The following MDFIC2 variants were observed in gnomAD, a reference collection of about 807,000 sequenced individuals.
MDFIC2 encodes the protein myoD family inhibitor domain-containing protein 2.
At position 70,285,743 on chromosome 3, in the gene MDFIC2, T is replaced by C. The variant is rs1032031501; in HGVS notation, c.88+26143A>G. ...TGTTGTTTCCTGACTTTTTAATGAT[T>C]GCCATTCTAACTGGTGTGAGATGGT... On this transcript the variant is annotated intron_variant, in intron 2 of 3. Coordinates refer to ENST00000567252, the MANE Select transcript of MDFIC2 (RefSeq NM_001364677.1). Among the ~76,000 whole-genome samples, 28 of 151,742 alleles carry C rather than the reference T, an allele frequency of 1.8e-4. 1 individual carries two copies. The East Asian group carries it at 3.1e-3, about 17-fold the overall frequency.
chr3:70,206,249 T>C (rs1163043366), intron 3 of MDFIC2, among the ~76,000 whole-genome samples: 3 of 152,056 alleles, frequency 2.0e-5, no homozygotes, highest in African/African-American at 7.2e-5. Context: ...GACTGAATAG[T>C]TCCATGTCTG....
chr3:70,312,100 C>G (rs1351963150), intron 1 of MDFIC2, 127 bp from the exon 2 acceptor site: 1 of 389,694 alleles, frequency 2.6e-6, no homozygotes, highest in East Asian at 3.6e-5. Flanking sequence ...TTTCAGTTCA[C>G]TGTCCAATGT....
At chr3:70,245,892 G>A (rs1440299600) in intron 2 of MDFIC2, among the ~76,000 whole-genome samples, 1 of 150,810 alleles carries the variant, frequency 6.6e-6, no homozygotes, top group Non-Finnish European at 1.5e-5. Context: ...GCCAATTTAG[G>A]ACACTGGCTT....
chr3:70,199,536 A>G (rs548767214), intron 3 of MDFIC2, among the ~76,000 whole-genome samples: 1 of 152,326 alleles, frequency 6.6e-6, no homozygotes, highest in Admixed American at 6.5e-5. Flanking sequence ...CCCAAAAACA[A>G]CATGGTAACA....
intron 2 of MDFIC2, among the ~76,000 whole-genome samples, chr3:70,268,338 G>T (rs548767747): frequency 2.2e-3 from 329 of 152,218 alleles, no homozygotes; most frequent in African/African-American, 7.7e-3. Flanking sequence ...AGCCAGGCGT[G>T]GTTGTGTGCA....
At chr3:70,211,079 T>C (rs1231973616) in intron 2 of MDFIC2, among the ~76,000 whole-genome samples, 1 of 152,154 alleles carries the variant, frequency 6.6e-6, no homozygotes, top group Non-Finnish European at 1.5e-5. Flanking sequence ...TTTTCTCTCA[T>C]TTGACTCTTC....
At chr3:70,296,662 TAC>T (rs1352676471) in intron 2 of MDFIC2, among the ~76,000 whole-genome samples, 1 of 152,126 alleles carries the variant, frequency 6.6e-6, no homozygotes, top group Non-Finnish European at 1.5e-5. Flanking sequence ...CACAGCCAAT[TAC>T]CAGCAAGTCT....
chr3:70,240,518 C>G (rs1701657138), intron 2 of MDFIC2, among the ~76,000 whole-genome samples: 1 of 152,124 alleles, frequency 6.6e-6, no homozygotes, highest in Non-Finnish European at 1.5e-5. Flanking sequence ...GCCCTTCTTA[C>G]TGTGAAAATC....
At chr3:70,274,109 G>T (rs967774457) in intron 2 of MDFIC2, among the ~76,000 whole-genome samples, 1 of 151,818 alleles carries the variant, frequency 6.6e-6, no homozygotes, top group Non-Finnish European at 1.5e-5. Context: ...GCATGTGTGT[G>T]TGTGAGACTG....
At chr3:70,293,958 A>C (rs557265254) in intron 2 of MDFIC2, among the ~76,000 whole-genome samples, 2 of 152,080 alleles carry the variant, frequency 1.3e-5, no homozygotes, top group African/African-American at 4.8e-5. Context: ...CAGAGGGAGC[A>C]TACAAGCAGA....
chr3:70,255,526 A>G (rs1437852056), intron 2 of MDFIC2, among the ~76,000 whole-genome samples: 1 of 151,990 alleles, frequency 6.6e-6, no homozygotes, highest in Non-Finnish European at 1.5e-5. Context: ...GGCTCAAGTG[A>G]TCCTCCTGCC....
intron 3 of MDFIC2, among the ~76,000 whole-genome samples, chr3:70,198,856 C>A (rs533116326): frequency 1.3e-5 from 2 of 152,250 alleles, no homozygotes; most frequent in Admixed American, 1.3e-4. Flanking sequence ...TCTCATAAGT[C>A]ACCACAAACC....
At chr3:70,218,655 C>T (rs545665708) in intron 2 of MDFIC2, among the ~76,000 whole-genome samples, 1 of 152,096 alleles carries the variant, frequency 6.6e-6, no homozygotes, top group East Asian at 1.9e-4. Flanking sequence ...ATAACACCTC[C>T]CAGCAGAACT....
rs1047072158 is a variant in MDFIC2, at chr3:70,195,393, G to A, written c.*1533C>T. 1.3e-5 allele frequency among the ~76,000 whole-genome samples: 2 copies of A among 152,192 alleles called. No individual in the cohort carries two copies. The highest frequency in any genetic ancestry group is 1.3e-4 in the Admixed American group (2 of 15,280). ...AATCAGCATTAACCATGGGTGCACT[G>A]CACTTCCAGGAGCAAGTTGAGAGTG... On this transcript the variant is annotated 3_prime_UTR_variant, in exon 4 of 4. Coordinates refer to ENST00000567252, the MANE Select transcript of MDFIC2 (RefSeq NM_001364677.1).
intron 2 of MDFIC2, among the ~76,000 whole-genome samples, chr3:70,232,359 A>G (rs1416235221): frequency 6.6e-6 from 1 of 151,614 alleles, no homozygotes; most frequent in Admixed American, 6.6e-5. Context: ...TGCCCACAAT[A>G]TTCACACCTC....
intron 2 of MDFIC2, among the ~76,000 whole-genome samples, chr3:70,221,033 A>G (rs1308852559): frequency 6.6e-6 from 1 of 152,122 alleles, no homozygotes; most frequent in Non-Finnish European, 1.5e-5. Context: ...GCTTTTTCCC[A>G]TATTATATTG....
chr3:70,237,243 C>A (rs1701618808), intron 2 of MDFIC2, among the ~76,000 whole-genome samples: 1 of 152,174 alleles, frequency 6.6e-6, no homozygotes, highest in Non-Finnish European at 1.5e-5. Flanking sequence ...TTTAGATCTT[C>A]CTCATCCTAA....
chr3:70,283,871 G>C (rs1702113820), intron 2 of MDFIC2: 2 of 151,914 alleles, frequency 1.3e-5, no homozygotes. Context: ...GTATTTTTAA[G>C]AGAATGTGTA....
intron 2 of MDFIC2, among the ~76,000 whole-genome samples, chr3:70,226,013 A>G (rs563543451): frequency 6.6e-6 from 1 of 152,194 alleles, no homozygotes; most frequent in Non-Finnish European, 1.5e-5. Flanking sequence ...ATTCCTCTCT[A>G]TATTGAAGAA....
Sources: gnomAD v4.1 joint callset for allele counts (sites outside exome capture counted in the v4.1 genomes callset) on GRCh38, gnomAD v4.1.1 for gene constraint, MANE v1.5 for transcripts, NCBI Gene and HGNC (gene_info 2026-07-23, HGNC 2026-07-21) for gene names.